Variants in KCNT1 observed in about 807,000 individuals in gnomAD.
KCNT1 encodes potassium sodium-activated channel subfamily T member 1.
In KCNT1, 78 loss-of-function variants were observed where a neutral mutation model predicts 147.8. The observed-to-expected ratio is 0.53, with a 90% CI of 0.44 to 0.64. KCNT1 has a LOEUF of 0.64. Ranked by LOEUF, KCNT1 falls within the 30% of genes least tolerant of loss-of-function variation. The pLI, the probability that KCNT1 is intolerant of heterozygous loss-of-function variation, is 0.00. For missense variants in KCNT1, 1,419 were observed against 1,750.3 expected, an observed-to-expected ratio of 0.81 and a Z score of 3.38; for synonymous variants, 867 against 748.8, an observed-to-expected ratio of 1.16 and a Z score of -2.58.
intron 2 of KCNT1, among the ~76,000 whole-genome samples, chr9:135,715,696 C>T (rs969278127): frequency 6.6e-6 from 1 of 152,008 alleles, no homozygotes; most frequent in Non-Finnish European, 1.5e-5. Flanking sequence ...ACTGCTGAAA[C>T]CGCAGCTGAA....
chr9:135,722,734 G>C (rs1835974292), intron 2 of KCNT1, among the ~76,000 whole-genome samples: 1 of 152,142 alleles, frequency 6.6e-6, no homozygotes, highest in Admixed American at 6.5e-5. Context: ...CTGCGCCCAC[G>C]GGGCAGAGAA....
At chr9:135,773,104 AG>A in intron 19 of KCNT1, among the ~76,000 whole-genome samples, 155 bp downstream of exon 19, 1 of 152,300 alleles carries the variant, frequency 6.6e-6, no homozygotes, top group East Asian at 1.9e-4. Flanking sequence ...TGAAATCTTC[AG>A]GGGGCCCAAC....
rs369966222 is a variant in KCNT1 at position 135,778,679 on chromosome 9, C to T, written c.2595-9C>T. 8.5e-5 allele frequency: 137 copies of T among 1,611,962 alleles called. 1 individual carries two copies. The highest frequency in any genetic ancestry group is 5.9e-4 in the African/African-American group (44 of 74,520). ...ATCCTCAGCCACGGGCCCTCGGTCCCGCCACCAGCCTGGACAGCCTGCTGC... is the reference window on the plus strand; with the variant it reads ...ATCCTCAGCCACGGGCCCTCGGTCCTGCCACCAGCCTGGACAGCCTGCTGC... On this transcript the variant is annotated splice_polypyrimidine_tract_variant and intron_variant, in intron 22 of 30. Transcript: ENST00000371757.
At chr9:135,774,329 G>C (rs538527818) in intron 19 of KCNT1, among the ~76,000 whole-genome samples, 1 of 148,030 alleles carries the variant, frequency 6.8e-6, no homozygotes, top group East Asian at 2.0e-4. Context: ...TTGTGTGTCT[G>C]GGTGTGTTGT....
chr9:135,726,470 C>T (rs910650841), intron 2 of KCNT1, among the ~76,000 whole-genome samples: 1 of 152,088 alleles, frequency 6.6e-6, no homozygotes, highest in Non-Finnish European at 1.5e-5. Flanking sequence ...CGCATCTTTA[C>T]CCCCACCCCG....
chr9:135,725,230 G>C (rs1836086479), intron 2 of KCNT1, among the ~76,000 whole-genome samples: 1 of 152,124 alleles, frequency 6.6e-6, no homozygotes, highest in African/African-American at 2.4e-5. Context: ...GAGTACTCCA[G>C]GTCCCCTATA....
chr9:135,711,626 C>T (rs1378442109), intron 1 of KCNT1, among the ~76,000 whole-genome samples: 1 of 152,224 alleles, frequency 6.6e-6, no homozygotes, highest in African/African-American at 2.4e-5. Flanking sequence ...GGTCAGTGCA[C>T]GTGACTACGT....
At chr9:135,765,526 GC>G in intron 12 of KCNT1, 97 bp from the exon 13 acceptor site, 1 of 1,345,320 alleles carries the variant, frequency 7.4e-7, no homozygotes, top group Non-Finnish European at 1.0e-6. Flanking sequence ...GAGCTCTAGG[GC>G]CCAGAGGTGG....
Position 135,765,051 on chromosome 9 carries a change from C to G in KCNT1, c.1056C>G (p.Leu352=), listed in dbSNP as rs116691849. 2,784 of 1,612,368 alleles carry G rather than the reference C, an allele frequency of 1.7e-3. 42 individuals carry two copies. In the African/African-American group the frequency reaches 0.029, roughly 17 times the overall value. The change falls in exon 12 of 31, where the codon CTC becomes CTG. Residue 352 remains leucine, a synonymous_variant. Transcript: ENST00000371757. ...LPLQFEELVY[L]WMERQKSGGN... ...TGCAGTTCGAGGAGCTCGTCTACCT[C>G]TGGATGGAGCGGCAGAAGTCAGGGG...
chr9:135,770,559 C>G, intron 17 of KCNT1, 112 bp downstream of exon 17: 2 of 1,349,412 alleles, frequency 1.5e-6, no homozygotes, highest in Non-Finnish European at 2.0e-6. Context: ...CTGCAGAGGG[C>G]TCGGGGGAGG....
chr9:135,703,236 A>AC (rs1037497276), intron 1 of KCNT1: 3 of 152,320 alleles, frequency 2.0e-5, no homozygotes, highest in Non-Finnish European at 4.4e-5. Context: ...ACCCCTCCCC[A>AC]CCAGGACAGA....
At position 135,793,985 on chromosome 9, in the gene KCNT1, C is replaced by CAAGT. The variant is rs1802683651; in HGVS notation, c.*1825_*1828dup. 1 of 152,866 alleles carries CAAGT rather than the reference C, an allele frequency of 6.5e-6. No homozygotes were observed. The highest frequency in any genetic ancestry group is 2.1e-4 in the South Asian group (1 of 4,844). 9.5% of individuals were successfully genotyped at this position (152,866 alleles called of 1,614,324 possible). A position where few individuals can be genotyped will look rare whatever the true frequency, so the allele number is the denominator to read the frequency against. ...GCAGTCGCCCTGCAGCTGGAAGGCC[C>CAAGT]AAGTCTGCCTCACCTGGGTGGCCTC... On this transcript the variant is annotated 3_prime_UTR_variant, in exon 31 of 31. Coordinates refer to ENST00000371757, the MANE Select transcript of KCNT1 (RefSeq NM_020822.3).
chr9:135,768,985 G>C, intron 15 of KCNT1, 48 bp downstream of exon 15: 1 of 1,381,770 alleles, frequency 7.2e-7, no homozygotes, highest in Non-Finnish European at 1.0e-6. Context: ...GGCAGGGCAC[G>C]TGTGCACACG....
intron 24 of KCNT1, among the ~76,000 whole-genome samples, chr9:135,781,883 G>T (rs1372465623): frequency 6.6e-6 from 1 of 152,182 alleles, no homozygotes; most frequent in Non-Finnish European, 1.5e-5. Context: ...AGAAGTTCGA[G>T]ACCAGCCCAG....
At chr9:135,789,067 C>T (rs1397898063) in intron 29 of KCNT1, 1 of 152,298 alleles carries the variant, frequency 6.6e-6, no homozygotes, top group Admixed American at 6.5e-5. Context: ...TGCTTTTCCC[C>T]ACGATGGCGC....
intron 17 of KCNT1, 121 bp downstream of exon 17, chr9:135,770,568 G>A: frequency 7.8e-7 from 1 of 1,285,094 alleles, no homozygotes; most frequent in South Asian, 1.5e-5. Context: ...GCTCGGGGGA[G>A]GGCATCAGGT....
intron 2 of KCNT1, among the ~76,000 whole-genome samples, chr9:135,746,092 G>C (rs1049112050): frequency 2.0e-5 from 3 of 152,374 alleles, no homozygotes; most frequent in Non-Finnish European, 4.4e-5. Flanking sequence ...AAAATGGATC[G>C]TTTTCATCTC....
chr9:135,751,110 C>T (rs745485101), intron 4 of KCNT1, 69 bp downstream of exon 4: 207 of 1,431,998 alleles, frequency 1.4e-4, no homozygotes, highest in Non-Finnish European at 1.9e-4. Flanking sequence ...TGGGCCGTTA[C>T]AGAAGCTGAT....
At chr9:135,731,761 C>T (rs528185281) in intron 2 of KCNT1, among the ~76,000 whole-genome samples, 2 of 151,686 alleles carry the variant, frequency 1.3e-5, no homozygotes, top group South Asian at 4.2e-4. Context: ...AATCTGCAGC[C>T]AGCTCACTTC....
Sources: allele counts gnomAD v4.1 joint callset (sites outside exome capture counted in the v4.1 genomes callset), GRCh38; gene constraint gnomAD v4.1.1; transcripts MANE v1.5; gene names NCBI Gene and HGNC (gene_info 2026-07-23, HGNC 2026-07-21).